The following NNT variants were observed in gnomAD, a reference collection of about 807,000 sequenced individuals.
NNT encodes NAD(P) transhydrogenase, mitochondrial.
NNT carries 50 observed loss-of-function variants against 104.8 expected under a neutral mutation model. The ratio of observed to expected loss-of-function variants is 0.48; its 90% confidence interval spans 0.38 to 0.60. The LOEUF is 0.60. Ranked by LOEUF, NNT falls within the 20% of genes least tolerant of loss-of-function variation. NNT has a pLI of 0.00. For missense variants in NNT, 1,131 were observed against 1,330.7 expected (o/e 0.85, Z 2.33); for synonymous variants, 461 against 490.4 (o/e 0.94, Z 0.79).
chr5:43,607,099 G>A (rs1220490036), intron 1 of NNT, among the ~76,000 whole-genome samples: 1 of 151,902 alleles, frequency 6.6e-6, no homozygotes, highest in Non-Finnish European at 1.5e-5. Context: ...TGCCTCCCAA[G>A]TTCAAGCGAT....
At chr5:43,622,282 G>A (rs1237385517) in intron 5 of NNT, among the ~76,000 whole-genome samples, 1 of 152,140 alleles carries the variant, frequency 6.6e-6, no homozygotes, top group Non-Finnish European at 1.5e-5. Flanking sequence ...TCCCCATTTT[G>A]GCTTAAACAA....
intron 5 of NNT, among the ~76,000 whole-genome samples, chr5:43,623,410 T>C (rs13161149): frequency 0.038 from 5,827 of 152,238 alleles, 148 homozygotes; most frequent in East Asian, 0.12. Flanking sequence ...CTGAGGAATT[T>C]TTTGGTTCTC....
At position 43,655,925 on chromosome 5, in the gene NNT, A is replaced by T. The variant is rs1740019166; in HGVS notation, c.2145A>T (p.Val715=). Residue 715 remains valine, a synonymous_variant, in exon 15 of 22, where the codon GTA becomes GTT. Transcript: ENST00000344920. ...ACAGTTTAGTGGGTTTGGCAGCTGTACTTACTTGCATAGCTGAGTACATTA... is the reference window on the plus strand; with the variant it reads ...ACAGTTTAGTGGGTTTGGCAGCTGTTCTTACTTGCATAGCTGAGTACATTA... ...AFHSLVGLAA[V]LTCIAEYIIE... 1 of 1,614,082 alleles carries T rather than the reference A, an allele frequency of 6.2e-7. No homozygotes were observed. The highest frequency in any genetic ancestry group is 2.2e-5 in the East Asian group (1 of 44,892).
intron 21 of NNT, 39 bp downstream of exon 21, chr5:43,702,775 G>A (rs113004936): frequency 7.0e-7 from 1 of 1,422,982 alleles, no homozygotes; most frequent in Non-Finnish European, 9.8e-7. Flanking sequence ...GATAATCAAA[G>A]GTCACTTCAA....
In NNT at chr5:43,704,475, G is replaced by A. The variant is rs1743016523; in HGVS notation, c.*71G>A. On this transcript the variant is annotated 3_prime_UTR_variant, in exon 22 of 22. Coordinates refer to ENST00000344920, the MANE Select transcript of NNT (RefSeq NM_182977.3). ...TTGGGAACAGGCAAATAAAGTATCA[G>A]TATACATGGTGATGTACATCTGTAG... is the stretch of plus-strand genomic sequence containing the variant. 1.3e-6 allele frequency: 2 copies of A among 1,485,880 alleles called. No individual in the cohort carries two copies. The highest frequency in any genetic ancestry group is 1.8e-5 in the Admixed American group (1 of 56,114). 92.0% of individuals were successfully genotyped at this position (1,485,880 alleles called of 1,614,324 possible).
chr5:43,655,902 A>G lies in NNT; in HGVS notation c.2122A>G (p.Ser708Gly). The change falls in exon 15 of 22, where the codon AGT becomes GGT. Residue 708 changes from serine (S) to glycine (G), a missense_variant. Transcript: ENST00000344920. The stretch of plus-strand genomic sequence containing the variant: ...ACCTCAATTAGTTGCTGCTTTTCAC[A>G]GTTTAGTGGGTTTGGCAGCTGTACT... ...DLPQLVAAFHSLVGLAAVLTC... is the reference protein window; with the variant it reads ...DLPQLVAAFHGLVGLAAVLTC... The G allele has an allele frequency of 6.2e-7, 1 of 1,614,244 alleles. No individual in the cohort carries two copies. The highest frequency in any genetic ancestry group is 8.5e-7 in the Non-Finnish European group (1 of 1,180,054).
intron 19 of NNT, among the ~76,000 whole-genome samples, chr5:43,681,177 G>A (rs560833931): frequency 2.6e-4 from 39 of 149,160 alleles, no homozygotes; most frequent in East Asian, 4.1e-4. Flanking sequence ...GGAGAATGGC[G>A]TGAACCCAGG....
intron 17 of NNT, chr5:43,666,870 T>C: frequency 6.6e-7 from 1 of 1,516,036 alleles, no homozygotes; most frequent in South Asian, 1.1e-5. Context: ...CCTTGGCCTT[T>C]GGCCAGCACA....
intron 6 of NNT, among the ~76,000 whole-genome samples, chr5:43,625,740 T>TA (rs1480703188): frequency 2.0e-5 from 3 of 152,128 alleles, no homozygotes; most frequent in African/African-American, 7.2e-5. Context: ...TCACAAAGTT[T>TA]AAATATATAA....
intron 6 of NNT, among the ~76,000 whole-genome samples, chr5:43,625,393 G>A (rs945949339): frequency 7.2e-5 from 11 of 152,000 alleles, no homozygotes; most frequent in African/African-American, 2.7e-4. Flanking sequence ...TATTAAGTTT[G>A]TTATACGGGT....
At chr5:43,668,132 T>TA (rs1249981026) in intron 17 of NNT, among the ~76,000 whole-genome samples, 2 of 152,238 alleles carry the variant, frequency 1.3e-5, no homozygotes, top group African/African-American at 4.8e-5. Flanking sequence ...TTTTTTCTTG[T>TA]AAATTTGTTT....
intron 17 of NNT, among the ~76,000 whole-genome samples, chr5:43,670,250 T>C (rs968686546): frequency 6.6e-6 from 1 of 152,150 alleles, no homozygotes; most frequent in African/African-American, 2.4e-5. Context: ...ATTCATTGAT[T>C]TTTTGAATGG....
intron 19 of NNT, among the ~76,000 whole-genome samples, chr5:43,688,331 C>A (rs1239538002): frequency 1.3e-5 from 2 of 152,066 alleles, no homozygotes; most frequent in Non-Finnish European, 2.9e-5. Context: ...GTAGCCCCCC[C>A]ACCAAGGAAA....
At chr5:43,687,690 A>G (rs1191009250) in intron 19 of NNT, among the ~76,000 whole-genome samples, 5 of 152,218 alleles carry the variant, frequency 3.3e-5, no homozygotes, top group African/African-American at 1.2e-4. Flanking sequence ...CTGTGCAAGT[A>G]GATATAAAAT....
In NNT at chr5:43,613,056, G is replaced by A. The variant is rs761514164; in HGVS notation, c.300G>A (p.Lys100=). Residue 100 remains lysine (K), a synonymous_variant, in exon 3 of 22, where the codon AAG becomes AAA. Coordinates refer to ENST00000344920, the MANE Select transcript of NNT (RefSeq NM_182977.3). ...VVESGAGEAS[K]FSDDHYRVAG... ...AATCGGGTGCGGGCGAAGCTTCCAA[G>A]TTCTCAGATGATCACTATAGAGTGG... is the stretch of plus-strand genomic sequence containing the variant. 6.2e-7 allele frequency: 1 copy of A among 1,614,124 alleles called. No individual in the cohort carries two copies. The highest frequency in any genetic ancestry group is 8.5e-7 in the Non-Finnish European group (1 of 1,180,024).
Position 43,673,495 on chromosome 5 carries a change from C to T in NNT, c.2635-2016C>T, listed in dbSNP as rs139896186. On this transcript the variant is annotated intron_variant, in intron 17 of 21. Transcript: ENST00000344920. ...GAAATATCTTAATGTCTGAAATAGT[C>T]CTTTAAATCAATTTTAAGGGCAAAA... 1.4e-3 allele frequency among the ~76,000 whole-genome samples: 217 copies of T among 152,148 alleles called. 1 individual carries two copies. Among genetic ancestry groups the T allele is most frequent in the African/African-American group, 5.1e-3 (210 of 41,498 alleles).
At chr5:43,647,902 ATAT>A in intron 10 of NNT, 1 of 457,034 alleles carries the variant, frequency 2.2e-6, no homozygotes, top group Non-Finnish European at 4.4e-6. Context: ...AGCAGTGGGT[ATAT>A]TATTATTTTC....
At chr5:43,612,598 G>A (rs1749556894) in intron 2 of NNT, among the ~76,000 whole-genome samples, 1 of 151,990 alleles carries the variant, frequency 6.6e-6, no homozygotes, top group Admixed American at 6.5e-5. Context: ...GCATGTGGAG[G>A]GATCTCTAAA....
intron 10 of NNT, 26 bp from the exon 11 acceptor site, chr5:43,649,121 A>G (rs1342268477): frequency 7.4e-6 from 12 of 1,612,752 alleles, no homozygotes; most frequent in Non-Finnish European, 1.0e-5. Flanking sequence ...GTCAGCTCAA[A>G]CACACTCTTT....
Sources: allele counts gnomAD v4.1 joint callset (sites outside exome capture counted in the v4.1 genomes callset), GRCh38; gene constraint gnomAD v4.1.1; transcripts MANE v1.5; gene names NCBI Gene and HGNC (gene_info 2026-07-23, HGNC 2026-07-21).